Variants in SRSF8 observed in about 807,000 individuals in gnomAD.
SRSF8 encodes the protein serine/arginine-rich splicing factor 8.
Under a neutral mutation model 2.0 loss-of-function variants are expected in SRSF8, and 3 were observed. That is an observed-to-expected ratio of 1.47 (90% CI 0.67 to 3.79). SRSF8 has a LOEUF of 3.79. Ranked by LOEUF, SRSF8 falls within the 30% of genes most tolerant of loss-of-function variation. The probability of loss-of-function intolerance (pLI) is 0.02; values close to 1 mark genes in which losing one functional copy is unlikely to be tolerated. For synonymous variants in SRSF8, 162 were observed against 170.7 expected, an observed-to-expected ratio of 0.95 and a Z score of 0.40; for missense variants, 408 against 410.9, an observed-to-expected ratio of 0.99 and a Z score of 0.06.
In SRSF8 at chr11:95,070,498, T is replaced by C; in HGVS notation, c.*2423T>C. 1 of 167,130 alleles carries C rather than the reference T, an allele frequency of 6.0e-6. No individual in the cohort carries two copies. The allele number at this position is 167,130 out of a possible 1,614,324, so 10.4% of individuals were successfully genotyped here. ...AGGTGTGAACATACCCTACCTCTAC[T>C]CTACATGTGGAAGACCTGACCCACA... On this transcript the variant is annotated 3_prime_UTR_variant, in exon 1 of 1. Transcript: ENST00000587424.
chr11:95,067,218 C>A lies in SRSF8; in HGVS notation c.-9C>A, dbSNP rs1565436422. 2 of 1,499,774 alleles carry A rather than the reference C, an allele frequency of 1.3e-6. No individual in the cohort carries two copies. The highest frequency in any genetic ancestry group is 1.8e-6 in the Non-Finnish European group (2 of 1,117,948). The allele number at this position is 1,499,774 out of a possible 1,614,324, so 92.9% of individuals were successfully genotyped here. On this transcript the variant is annotated 5_prime_UTR_variant, in exon 1 of 1. Coordinates refer to ENST00000587424, the MANE Select transcript of SRSF8 (RefSeq NM_032102.4). ...CGCCAGTTTCCGGGCCCGGGCTGCT[C>A]TCGGAGCCATGAGCTGCGGCCGCCC...
chr11:95,068,139 C>T lies in SRSF8; in HGVS notation c.*64C>T, dbSNP rs1377942905. 2 of 1,446,372 alleles carry T rather than the reference C, an allele frequency of 1.4e-6. No homozygotes were observed. The highest frequency in any genetic ancestry group is 2.8e-5 in the African/African-American group (2 of 70,644). The allele number at this position is 1,446,372 out of a possible 1,614,324, so 89.6% of individuals were successfully genotyped here. On this transcript the variant is annotated 3_prime_UTR_variant, in exon 1 of 1. Coordinates refer to ENST00000587424, the MANE Select transcript of SRSF8 (RefSeq NM_032102.4). Reference sequence around the variant, plus strand: ...GGGGGAAAAGGATCACATACTCAGTCTATGGAAGCAACGTCCCTGGAAGAA... The same window carrying T: ...GGGGGAAAAGGATCACATACTCAGTTTATGGAAGCAACGTCCCTGGAAGAA...
Position 95,067,648 on chromosome 11 carries a change from G to C in SRSF8, c.422G>C (p.Cys141Ser). 6.2e-7 allele frequency: 1 copy of C among 1,604,796 alleles called. No homozygotes were observed. Residue 141 changes from cysteine (C) to serine (S), a missense_variant, in exon 1 of 1, where the codon TGC becomes TCC. Cys to Ser is a moderately radical substitution (Grantham distance 112). This residue lies in a region of SRSF8 where 346 missense variants were observed against 316.5 expected (regional missense o/e 1.09). Coordinates refer to ENST00000587424, the MANE Select transcript of SRSF8 (RefSeq NM_032102.4). The stretch of plus-strand genomic sequence containing the variant: ...CGCAGCCGATCCCGGGGTCCCAGCT[G>C]CTCCAGGTCCCGCAGCCGATCTCGC... ...RHRSRSRGPS[C>S]SRSRSRSRYR... is the part of the protein sequence containing the mutation.
In SRSF8 at chr11:95,069,042, C is replaced by T. The variant is rs1216162208; in HGVS notation, c.*967C>T. 4 of 166,714 alleles carry T rather than the reference C, an allele frequency of 2.4e-5. No homozygotes were observed. The highest frequency in any genetic ancestry group is 5.9e-5 in the Non-Finnish European group (4 of 68,070). The allele number at this position is 166,714 out of a possible 1,614,324, so 10.3% of individuals were successfully genotyped here. On this transcript the variant is annotated 3_prime_UTR_variant, in exon 1 of 1. Coordinates refer to ENST00000587424, the MANE Select transcript of SRSF8 (RefSeq NM_032102.4). Reference sequence around the variant, plus strand: ...TATCTTTTTGATTATTAATTTTTTACGCTAACCATTGTTTCTGTAGTTAAA... The same window carrying T: ...TATCTTTTTGATTATTAATTTTTTATGCTAACCATTGTTTCTGTAGTTAAA...
In SRSF8 at chr11:95,067,497, C is replaced by T. The variant is rs1555107060; in HGVS notation, c.271C>T (p.Arg91Cys). Reference protein sequence around the residue: ...DGRELRVQVARYGRRDLPRSR... With the variant: ...DGRELRVQVACYGRRDLPRSR... The stretch of plus-strand genomic sequence containing the variant: ...ACGCGAGCTGCGGGTGCAGGTGGCG[C>T]GCTATGGCCGCCGGGACCTGCCCCG... The change falls in exon 1 of 1, where the codon CGC becomes TGC. Residue 91 changes from arginine to cysteine, a missense_variant. Arg to Cys is a radical substitution (Grantham distance 180). Coordinates refer to ENST00000587424, the MANE Select transcript of SRSF8 (RefSeq NM_032102.4). 6.7e-7 allele frequency: 1 copy of T among 1,496,198 alleles called. No individual in the cohort carries two copies. The highest frequency in any genetic ancestry group is 8.9e-7 in the Non-Finnish European group (1 of 1,124,388). 92.7% of individuals were successfully genotyped at this position (1,496,198 alleles called of 1,614,324 possible).
rs1208811921 is a variant in SRSF8 at position 95,067,045 on chromosome 11, C to A, written c.-182C>A. On this transcript the variant is annotated 5_prime_UTR_variant, in exon 1 of 1. In the 5' UTR this introduces an upstream ATG that the reference lacks. Coordinates refer to ENST00000587424, the MANE Select transcript of SRSF8 (RefSeq NM_032102.4). ...TCCTCTGGGTCCTGGAGTATTTGGC[C>A]TGAAATTGGGAACTCGGAAGTTGCT... Among the ~76,000 whole-genome samples the A allele has an allele frequency of 2.0e-5, 3 of 152,230 alleles. No individual in the cohort carries two copies. Among genetic ancestry groups the A allele is most frequent in the African/African-American group, 7.2e-5 (3 of 41,462 alleles).
At position 95,067,937 on chromosome 11, in the gene SRSF8, C is replaced by T. The variant is rs1555107234; in HGVS notation, c.711C>T (p.Val237=). The part of the protein sequence containing the change: ...SSARRSKSSS[V]SRSRSRSRSS... ...CGCGACGATCCAAGTCCTCCTCGGT[C>T]TCCAGGTCTCGCTCGCGGTCCAGGT... The change falls in exon 1 of 1, where the codon GTC becomes GTT. Residue 237 remains valine (V), a synonymous_variant. Coordinates refer to ENST00000587424, the MANE Select transcript of SRSF8 (RefSeq NM_032102.4). 1 of 1,614,064 alleles carries T rather than the reference C, an allele frequency of 6.2e-7. No individual in the cohort carries two copies. Among genetic ancestry groups the T allele is most frequent in the Admixed American group, 1.7e-5 (1 of 60,028 alleles).
chr11:95,068,009 C>G lies in SRSF8; in HGVS notation c.783C>G (p.Ser261=). The G allele has an allele frequency of 1.2e-6, 2 of 1,613,878 alleles. No individual in the cohort carries two copies. The highest frequency in any genetic ancestry group is 1.7e-6 in the Non-Finnish European group (2 of 1,179,840). ...RSPPRVSKRK[S]KSRSRSKRPP... Reference sequence around the variant, plus strand: ...CTCCCCGGGTATCCAAGAGGAAATCCAAGTCAAGGTCGCGATCCAAGAGGC... The same window carrying G: ...CTCCCCGGGTATCCAAGAGGAAATCGAAGTCAAGGTCGCGATCCAAGAGGC... Residue 261 remains serine (S), a synonymous_variant, in exon 1 of 1, where the codon TCC becomes TCG. Transcript: ENST00000587424.
rs377676313 is a variant in SRSF8 at position 95,067,863 on chromosome 11, G to A, written c.637G>A (p.Gly213Arg). 1.6e-5 allele frequency: 26 copies of A among 1,613,878 alleles called. No individual in the cohort carries two copies. The highest frequency in any genetic ancestry group is 2.2e-5 in the Non-Finnish European group (26 of 1,179,890). The change falls in exon 1 of 1, where the codon GGG becomes AGG. Residue 213 changes from glycine (G) to arginine (R), a missense_variant. Gly to Arg is a moderately radical substitution (Grantham distance 125). Coordinates refer to ENST00000587424, the MANE Select transcript of SRSF8 (RefSeq NM_032102.4). ...YHSSRSHSKS[G>R]SSTSSRSAST... Reference sequence around the variant, plus strand: ...CAGCAGCCGGTCTCACTCGAAGTCTGGGTCCTCCACTAGCTCTCGCTCTGC... The same window carrying A: ...CAGCAGCCGGTCTCACTCGAAGTCTAGGTCCTCCACTAGCTCTCGCTCTGC...
rs1018809365 is a variant in SRSF8 at position 95,068,211 on chromosome 11, C to T, written c.*136C>T. 7 of 920,930 alleles carry T rather than the reference C, an allele frequency of 7.6e-6. No homozygotes were observed. In the East Asian group the frequency reaches 1.6e-4, roughly 21 times the overall value. The allele number at this position is 920,930 out of a possible 1,614,324, so 57.0% of individuals were successfully genotyped here. ...TGTGTCACACTTTTCTACCTTTTTG[C>T]CAGTTTGAAGCTTTGCATCAGGTGG... On this transcript the variant is annotated 3_prime_UTR_variant, in exon 1 of 1. Coordinates refer to ENST00000587424, the MANE Select transcript of SRSF8 (RefSeq NM_032102.4).
chr11:95,067,246 C>T lies in SRSF8; in HGVS notation c.20C>T (p.Pro7Leu). The T allele has an allele frequency of 6.5e-7, 1 of 1,544,586 alleles. No individual in the cohort carries two copies. Among genetic ancestry groups the T allele is most frequent in the East Asian group, 2.6e-5 (1 of 38,690 alleles). The change falls in exon 1 of 1, where the codon CCT becomes CTT. Residue 7 changes from proline (P) to leucine (L), a missense_variant. By Grantham distance (98) the Pro-to-Leu change is moderately conservative. This residue lies in a region of SRSF8 where 62 missense variants were observed against 94.4 expected (regional missense o/e 0.66). Transcript: ENST00000587424. ...GGAGCCATGAGCTGCGGCCGCCCCC[C>T]TCCCGACGTGGACGGCATGATCACC... MSCGRPPPDVDGMITLK... is the reference protein window; with the variant it reads MSCGRPLPDVDGMITLK...
At position 95,069,195 on chromosome 11, in the gene SRSF8, T is replaced by C. The variant is rs1040464567; in HGVS notation, c.*1120T>C. The C allele has an allele frequency of 3.0e-5, 5 of 167,042 alleles. No individual in the cohort carries two copies. Among genetic ancestry groups the C allele is most frequent in the African/African-American group, 9.6e-5 (4 of 41,468 alleles). 10.3% of individuals were successfully genotyped at this position (167,042 alleles called of 1,614,324 possible). ...GAGAAAATTATTAGCACCAAGTGTT[T>C]CTCAAAATATAATTTTTAAAAAATC... On this transcript the variant is annotated 3_prime_UTR_variant, in exon 1 of 1. Coordinates refer to ENST00000587424, the MANE Select transcript of SRSF8 (RefSeq NM_032102.4).
Position 95,067,210 on chromosome 11 carries a change from G to A in SRSF8, c.-17G>A. 6.8e-7 allele frequency: 1 copy of A among 1,475,546 alleles called. No homozygotes were observed. The highest frequency in any genetic ancestry group is 9.0e-7 in the Non-Finnish European group (1 of 1,105,472). The allele number at this position is 1,475,546 out of a possible 1,614,324, so 91.4% of individuals were successfully genotyped here. A position where few individuals can be genotyped will look rare whatever the true frequency, so the allele number is the denominator to read the frequency against. ...CAGAGCAGCGCCAGTTTCCGGGCCC[G>A]GGCTGCTCTCGGAGCCATGAGCTGC... On this transcript the variant is annotated 5_prime_UTR_variant, in exon 1 of 1. Transcript: ENST00000587424.
At position 95,067,439 on chromosome 11, in the gene SRSF8, C is replaced by G. The variant is rs1590996356; in HGVS notation, c.213C>G (p.Ala71=). 29 of 1,544,016 alleles carry G rather than the reference C, an allele frequency of 1.9e-5. No individual in the cohort carries two copies. The highest frequency in any genetic ancestry group is 4.8e-5 in the South Asian group (4 of 83,332). Residue 71 remains alanine (A), a synonymous_variant, in exon 1 of 1, where the codon GCC becomes GCG. Transcript: ENST00000587424. ...ACGACCGGCGCGACGCCCAAGACGCCGAGGCCGCCATGGACGGGGCGGAGC... is the reference window on the plus strand; with the variant it reads ...ACGACCGGCGCGACGCCCAAGACGCGGAGGCCGCCATGGACGGGGCGGAGC... ...RFHDRRDAQD[A]EAAMDGAELD...
Position 95,069,617 on chromosome 11 carries a change from C to CTG in SRSF8, c.*1545_*1546dup, listed in dbSNP as rs2134149351. 1 of 167,172 alleles carries CTG rather than the reference C, an allele frequency of 6.0e-6. No homozygotes were observed. Among genetic ancestry groups the CTG allele is most frequent in the East Asian group, 1.9e-4 (1 of 5,196 alleles). 10.4% of individuals were successfully genotyped at this position (167,172 alleles called of 1,614,324 possible). A position where few individuals can be genotyped will look rare whatever the true frequency, so the allele number is the denominator to read the frequency against. ...ATTCTTGAATGAACTGGCAAGGTGGCTGTGGTCTGTAGATATACATCCCAC... is the reference window on the plus strand; with the variant it reads ...ATTCTTGAATGAACTGGCAAGGTGGCTGTGTGGTCTGTAGATATACATCCCAC... On this transcript the variant is annotated 3_prime_UTR_variant, in exon 1 of 1. Coordinates refer to ENST00000587424, the MANE Select transcript of SRSF8 (RefSeq NM_032102.4).
In SRSF8 at chr11:95,070,473, A is replaced by G. The variant is rs568239004; in HGVS notation, c.*2398A>G. 2 of 167,400 alleles carry G rather than the reference A, an allele frequency of 1.2e-5. No homozygotes were observed. The highest frequency in any genetic ancestry group is 6.5e-5 in the Admixed American group (1 of 15,292). 10.4% of individuals were successfully genotyped at this position (167,400 alleles called of 1,614,324 possible). A position where few individuals can be genotyped will look rare whatever the true frequency, so the allele number is the denominator to read the frequency against. ...AGCAGAAATGTGTAGTTGTCATTGA[A>G]GGTGTGAACATACCCTACCTCTACT... On this transcript the variant is annotated 3_prime_UTR_variant, in exon 1 of 1. Transcript: ENST00000587424.
rs1443556372 is a variant in SRSF8, at chr11:95,067,127, G to C, written c.-100G>C. 21 of 1,195,846 alleles carry C rather than the reference G, an allele frequency of 1.8e-5. No individual in the cohort carries two copies. Among genetic ancestry groups the C allele is most frequent in the Middle Eastern group, 3.0e-4 (1 of 3,282 alleles). The allele number at this position is 1,195,846 out of a possible 1,614,324, so 74.1% of individuals were successfully genotyped here. On this transcript the variant is annotated 5_prime_UTR_variant, in exon 1 of 1. Coordinates refer to ENST00000587424, the MANE Select transcript of SRSF8 (RefSeq NM_032102.4). ...CCCGCCTCTCCGCCCGGCCTTTCCC[G>C]GCGTCCCCACGCGGGGCGCAACCGC...
chr11:95,068,188 T>C lies in SRSF8; in HGVS notation c.*113T>C. ...AAGAGGCTGCCTATTGAAAAGGTTG[T>C]GTCACACTTTTCTACCTTTTTGCCA... On this transcript the variant is annotated 3_prime_UTR_variant, in exon 1 of 1. Coordinates refer to ENST00000587424, the MANE Select transcript of SRSF8 (RefSeq NM_032102.4). The C allele has an allele frequency of 9.1e-7, 1 of 1,100,498 alleles. No individual in the cohort carries two copies. The highest frequency in any genetic ancestry group is 1.3e-6 in the Non-Finnish European group (1 of 779,168). 68.2% of individuals were successfully genotyped at this position (1,100,498 alleles called of 1,614,324 possible).
Position 95,068,184 on chromosome 11 carries a change from G to T in SRSF8, c.*109G>T. Reference sequence around the variant, plus strand: ...GAAGAAGAGGCTGCCTATTGAAAAGGTTGTGTCACACTTTTCTACCTTTTT... The same window carrying T: ...GAAGAAGAGGCTGCCTATTGAAAAGTTTGTGTCACACTTTTCTACCTTTTT... On this transcript the variant is annotated 3_prime_UTR_variant, in exon 1 of 1. Coordinates refer to ENST00000587424, the MANE Select transcript of SRSF8 (RefSeq NM_032102.4). 8.9e-7 allele frequency: 1 copy of T among 1,128,100 alleles called. No homozygotes were observed. Among genetic ancestry groups the T allele is most frequent in the Non-Finnish European group, 1.2e-6 (1 of 803,408 alleles). The allele number at this position is 1,128,100 out of a possible 1,614,324, so 69.9% of individuals were successfully genotyped here. A position where few individuals can be genotyped will look rare whatever the true frequency, so the allele number is the denominator to read the frequency against.
Sources: gnomAD v4.1 joint callset for allele counts (sites outside exome capture counted in the v4.1 genomes callset) on GRCh38, gnomAD v4.1.1 for gene constraint, gnomAD v4.1.1 regional missense constraint, MANE v1.5 for transcripts, NCBI Gene and HGNC (gene_info 2026-07-23, HGNC 2026-07-21) for gene names.